The following ELOVL7 variants were observed in gnomAD, a reference collection of about 807,000 sequenced individuals.
ELOVL7 encodes the protein ELOVL fatty acid elongase 7.
Under a neutral mutation model 35.7 loss-of-function variants are expected in ELOVL7, and 27 were observed. The ratio of observed to expected loss-of-function variants is 0.76; its 90% CI spans 0.56 to 1.04. ELOVL7 has a LOEUF of 1.04. ELOVL7 is among the 50% of genes least tolerant of loss of function. ELOVL7 has a pLI of 0.00. For missense variants in ELOVL7, 327 were observed against 340.8 expected, an observed-to-expected ratio of 0.96 and a Z score of 0.32; for synonymous variants, 113 against 114.6, an observed-to-expected ratio of 0.99 and a Z score of 0.09.
intron 1 of ELOVL7, among the ~76,000 whole-genome samples, chr5:60,804,646 C>CT (rs1056233497): frequency 6.6e-6 from 1 of 152,152 alleles, no homozygotes. Flanking sequence ...AATTTAAGTG[C>CT]TAGGACTTCA....
intron 1 of ELOVL7, among the ~76,000 whole-genome samples, chr5:60,815,771 CA>C (rs1424347860): frequency 5.3e-5 from 8 of 151,938 alleles, no homozygotes; most frequent in African/African-American, 1.7e-4. Flanking sequence ...GGGGTTTCAC[CA>C]TGGTGTTTAA....
rs1250252452 is a variant in ELOVL7, at chr5:60,764,921, G to A, written c.394-589C>T. 3.3e-5 allele frequency among the ~76,000 whole-genome samples: 5 copies of A among 152,244 alleles called. No homozygotes were observed. The East Asian group carries it at 7.7e-4, about 23-fold the overall frequency. On this transcript the variant is annotated intron_variant, in intron 6 of 8. Transcript: ENST00000508821. Reference sequence around the variant, plus strand: ...AAGGAAGGTAACACTCAGAGTGAACGTTATCCAGTGGTTTGTAAAAACCCT... The same window carrying A: ...AAGGAAGGTAACACTCAGAGTGAACATTATCCAGTGGTTTGTAAAAACCCT...
intron 3 of ELOVL7, 89 bp from the exon 4 acceptor site, chr5:60,772,182 C>T (rs754902454): frequency 5.2e-6 from 4 of 771,284 alleles, no homozygotes; most frequent in Non-Finnish European, 8.3e-6. Flanking sequence ...GCACCCAGAT[C>T]CTACTATTAA....
chr5:60,836,230 A>G (rs1466839579), intron 1 of ELOVL7, among the ~76,000 whole-genome samples: 2 of 152,044 alleles, frequency 1.3e-5, no homozygotes, highest in African/African-American at 4.8e-5. Context: ...CCTTTAGAAG[A>G]ATGAATAGTG....
At chr5:60,836,819 A>C (rs994251157) in intron 1 of ELOVL7, among the ~76,000 whole-genome samples, 1 of 151,976 alleles carries the variant, frequency 6.6e-6, no homozygotes, top group Admixed American at 6.5e-5. Context: ...CTCTTTGTCT[A>C]GATCTCACGT....
At chr5:60,757,371 G>A (rs761714869) in intron 8 of ELOVL7, 138 bp downstream of exon 8, 174 of 698,154 alleles carry the variant, frequency 2.5e-4, no homozygotes, top group Non-Finnish European at 3.7e-4. Context: ...GAACCATGAT[G>A]GCATATCATG....
In ELOVL7 at chr5:60,766,650, T is replaced by G. The variant is rs146623943; in HGVS notation, c.337-20A>C. The G allele has an allele frequency of 6.2e-7, 1 of 1,601,168 alleles. No homozygotes were observed. The highest frequency in any genetic ancestry group is 8.5e-7 in the Non-Finnish European group (1 of 1,174,730). On this transcript the variant is annotated intron_variant, in intron 5 of 8. Transcript: ENST00000508821. ...TGCCATCTGCAGAAGCACAAATAAA[T>G]CTAAATTTATTTTGTATATGGAAGA...
At chr5:60,800,742 T>C (rs1036168407) in intron 1 of ELOVL7, among the ~76,000 whole-genome samples, 10 of 152,110 alleles carry the variant, frequency 6.6e-5, no homozygotes, top group Admixed American at 6.6e-4. Context: ...GACCTCTTTG[T>C]TGTGCCCTCA....
At chr5:60,777,895 T>C (rs1445186765) in intron 3 of ELOVL7, among the ~76,000 whole-genome samples, 8 of 152,196 alleles carry the variant, frequency 5.3e-5, no homozygotes, top group African/African-American at 9.7e-5. Context: ...GCCACTACAT[T>C]TAACAAAAGG....
intron 1 of ELOVL7, among the ~76,000 whole-genome samples, chr5:60,818,926 T>C (rs1230253113): frequency 1.3e-5 from 2 of 150,166 alleles, no homozygotes; most frequent in Non-Finnish European, 3.0e-5. Flanking sequence ...GAGAATCATT[T>C]TGAACCTGAG....
At chr5:60,764,805 A>G (rs1742139052) in intron 6 of ELOVL7, among the ~76,000 whole-genome samples, 2 of 152,156 alleles carry the variant, frequency 1.3e-5, no homozygotes, top group African/African-American at 2.4e-5. Flanking sequence ...TTATTATTAA[A>G]GAAAAATGAA....
At chr5:60,809,052 T>C (rs1745105815) in intron 1 of ELOVL7, among the ~76,000 whole-genome samples, 1 of 152,086 alleles carries the variant, frequency 6.6e-6, no homozygotes, top group African/African-American at 2.4e-5. Context: ...CTTTAAAAAA[T>C]AATATTAAGA....
rs555430803 is a variant in ELOVL7, at chr5:60,815,370, C to G, written c.-85-16140G>C. Among the ~76,000 whole-genome samples, 3 of 152,284 alleles carry G rather than the reference C, an allele frequency of 2.0e-5. No individual in the cohort carries two copies. In the South Asian group the frequency reaches 6.2e-4, roughly 32 times the overall value. ...ACCTAAATATACACTAAATCTACTA[C>G]TTACACTCAGGTAATGAAATAAGCA... On this transcript the variant is annotated intron_variant, in intron 1 of 8. Coordinates refer to ENST00000508821, the MANE Select transcript of ELOVL7 (RefSeq NM_024930.3).
At chr5:60,805,523 A>G (rs1416774045) in intron 1 of ELOVL7, among the ~76,000 whole-genome samples, 1 of 152,192 alleles carries the variant, frequency 6.6e-6, no homozygotes, top group Non-Finnish European at 1.5e-5. Flanking sequence ...AAATGTCTTA[A>G]TCAATGTGGT....
rs1463905827 is a variant in ELOVL7, at chr5:60,802,129, CACACACAT to C, written c.-85-2907_-85-2900del. Reference sequence around the variant, plus strand: ...ATATATATATATATACACACACACACACACACATATATCCTATTGGTTCTGTCCCTCTG... The same window carrying C: ...ATATATATATATATACACACACACACATATCCTATTGGTTCTGTCCCTCTG... On this transcript the variant is annotated intron_variant, in intron 1 of 8. Transcript: ENST00000508821. 2.1e-4 allele frequency among the ~76,000 whole-genome samples: 26 copies of C among 120,982 alleles called. 2 individuals are homozygous for C. The highest frequency in any genetic ancestry group is 3.6e-4 in the Non-Finnish European group (21 of 58,064). 79.4% of individuals were successfully genotyped at this position (120,982 alleles called of 152,430 possible).
rs572399172 is a variant in ELOVL7 at position 60,774,054 on chromosome 5, T to C, written c.65-1961A>G. Among the ~76,000 whole-genome samples, 4 of 152,336 alleles carry C rather than the reference T, an allele frequency of 2.6e-5. No homozygotes were observed. The South Asian group carries it at 8.3e-4, about 32-fold the overall frequency. On this transcript the variant is annotated intron_variant, in intron 3 of 8. Coordinates refer to ENST00000508821, the MANE Select transcript of ELOVL7 (RefSeq NM_024930.3). ...TGACTGAAGAGTAGGTGGTCAGACA[T>C]ACAAAGAAGAGCTAGTACCAATCCT... is the stretch of plus-strand genomic sequence containing the variant.
chr5:60,834,664 T>G (rs1339465678), intron 1 of ELOVL7, among the ~76,000 whole-genome samples: 3 of 151,878 alleles, frequency 2.0e-5, no homozygotes, highest in Non-Finnish European at 2.9e-5. Context: ...ATAAGAAGTA[T>G]GAGTTGATTA....
chr5:60,752,487 G>C lies in ELOVL7; in HGVS notation c.*2137C>G, dbSNP rs895561709. ...TATACTACTTGGGTTCTTTGGAAAT[G>C]GTGTGATTTCTAACAGCACCTAGCA... On this transcript the variant is annotated 3_prime_UTR_variant, in exon 9 of 9. Coordinates refer to ENST00000508821, the MANE Select transcript of ELOVL7 (RefSeq NM_024930.3). The C allele has an allele frequency of 6.6e-6, 1 of 152,486 alleles. No homozygotes were observed. Among genetic ancestry groups the C allele is most frequent in the Non-Finnish European group, 1.5e-5 (1 of 68,024 alleles). 9.4% of individuals were successfully genotyped at this position (152,486 alleles called of 1,614,324 possible).
chr5:60,832,726 C>T lies in ELOVL7; in HGVS notation c.-86+11434G>A, dbSNP rs559841856. Among the ~76,000 whole-genome samples the T allele has an allele frequency of 3.9e-4, 59 of 152,020 alleles. 1 individual carries two copies. The highest frequency in any genetic ancestry group is 7.8e-4 in the Non-Finnish European group (53 of 68,010). On this transcript the variant is annotated intron_variant, in intron 1 of 8. Coordinates refer to ENST00000508821, the MANE Select transcript of ELOVL7 (RefSeq NM_024930.3). ...TGTGCACTAACTCTCCATTAACCTT[C>T]CCCCTTCCCAATTCCAAAAATGCCA...
Sources: allele counts gnomAD v4.1 joint callset (sites outside exome capture counted in the v4.1 genomes callset), GRCh38; gene constraint gnomAD v4.1.1; transcripts MANE v1.5; gene names NCBI Gene and HGNC (gene_info 2026-07-23, HGNC 2026-07-21).